RHOA: variants seen among roughly 807,000 people sequenced by gnomAD.
RHOA encodes the protein ras homolog family member A, also known as transforming protein RhoA.
Under a neutral mutation model 17.5 loss-of-function variants are expected in RHOA, and 3 were observed. The observed-to-expected ratio is 0.17, with a 90% CI of 0.08 to 0.44. The LOEUF is 0.44. RHOA is among the 20% of genes least tolerant of loss of function. RHOA has a pLI of 0.99. For synonymous variants in RHOA, 98 were observed against 88.4 expected, an observed-to-expected ratio of 1.11 and a Z score of -0.61; for missense variants, 56 against 242.3, an observed-to-expected ratio of 0.23 and a Z score of 5.10.
At chr3:49,411,795 G>A (rs2107922100) in intron 1 of RHOA, 25 bp downstream of exon 1, 1 of 152,004 alleles carries the variant, frequency 6.6e-6, no homozygotes, top group African/African-American at 2.4e-5. Flanking sequence ...GCCCCGCGGC[G>A]CCTGGAGGGA....
At position 49,368,563 on chromosome 3, in the gene RHOA, A is replaced by C. The variant is rs2107838986; in HGVS notation, c.157-15T>G. 8 of 1,614,038 alleles carry C rather than the reference A, an allele frequency of 5.0e-6. No individual in the cohort carries two copies. The highest frequency in any genetic ancestry group is 6.8e-6 in the Non-Finnish European group (8 of 1,179,958). Reference sequence around the variant, plus strand: ...GCCAACTCTACCTGTAATGGGAAAAACAACCACAAGAGTGCAAGGTTAATC... The same window carrying C: ...GCCAACTCTACCTGTAATGGGAAAACCAACCACAAGAGTGCAAGGTTAATC... On this transcript the variant is annotated splice_polypyrimidine_tract_variant and intron_variant, in intron 2 of 4. Coordinates refer to ENST00000418115, the MANE Select transcript of RHOA (RefSeq NM_001664.4).
intron 3 of RHOA, among the ~76,000 whole-genome samples, chr3:49,364,473 G>A (rs1156300646): frequency 2.7e-5 from 4 of 150,286 alleles, no homozygotes; most frequent in Admixed American, 6.6e-5. Flanking sequence ...CAACAAGAGC[G>A]AAACTCCGTC....
chr3:49,407,043 A>C (rs1034668688), intron 1 of RHOA, among the ~76,000 whole-genome samples: 35 of 151,882 alleles, frequency 2.3e-4, no homozygotes, highest in African/African-American at 8.2e-4. Context: ...GCTACTCTAG[A>C]GACTGAGGCA....
intron 1 of RHOA, among the ~76,000 whole-genome samples, chr3:49,397,712 G>T (rs766963660): frequency 6.6e-6 from 1 of 152,092 alleles, no homozygotes; most frequent in Non-Finnish European, 1.5e-5. Flanking sequence ...AGAACTGCTA[G>T]AGCAACATTA....
intron 1 of RHOA, among the ~76,000 whole-genome samples, chr3:49,391,594 A>G (rs1164077378): frequency 6.6e-6 from 1 of 151,938 alleles, no homozygotes; most frequent in Admixed American, 6.6e-5. Flanking sequence ...CCCAGGCTGG[A>G]GTGCAATGGC....
At chr3:49,373,084 A>G (rs1319104307) in intron 2 of RHOA, among the ~76,000 whole-genome samples, 1 of 152,020 alleles carries the variant, frequency 6.6e-6, no homozygotes, top group African/African-American at 2.4e-5. Context: ...TGGCTCATGC[A>G]TGTAATCCCA....
At chr3:49,377,152 C>T (rs933527696) in intron 1 of RHOA, among the ~76,000 whole-genome samples, 3 of 151,960 alleles carry the variant, frequency 2.0e-5, no homozygotes, top group African/African-American at 2.4e-5. Flanking sequence ...CAATTGAGGC[C>T]GAGCACAGTG....
intron 1 of RHOA, among the ~76,000 whole-genome samples, chr3:49,405,868 A>G (rs1019032528): frequency 1.3e-5 from 2 of 152,112 alleles, no homozygotes; most frequent in Non-Finnish European, 1.5e-5. Flanking sequence ...TATTTTTAGT[A>G]GAGATGGGGT....
intron 4 of RHOA, 130 bp downstream of exon 4, chr3:49,362,366 A>T: frequency 1.2e-6 from 1 of 859,238 alleles, no homozygotes; most frequent in Non-Finnish European, 1.7e-6. Flanking sequence ...TGAGGGTCAG[A>T]GGGCCACAGA....
Position 49,393,904 on chromosome 3 carries a change from T to C in RHOA, c.-3+17916A>G, listed in dbSNP as rs1348679629. On this transcript the variant is annotated intron_variant, in intron 1 of 4. Transcript: ENST00000418115. ...TTTTTTTTTTTGAGATGGAGTCTCC[T>C]CTGTTGCCCAGGCTGGAGTGCTGTG... 2.0e-5 allele frequency among the ~76,000 whole-genome samples: 3 copies of C among 150,734 alleles called. No individual in the cohort carries two copies. The Admixed American group carries it at 2.0e-4, about 10-fold the overall frequency.
At chr3:49,367,696 A>G (rs573508643) in intron 3 of RHOA, among the ~76,000 whole-genome samples, 30 of 151,316 alleles carry the variant, frequency 2.0e-4, no homozygotes, top group Non-Finnish European at 3.5e-4. Flanking sequence ...TAATTTTTGT[A>G]TTTTAGTAGA....
intron 1 of RHOA, among the ~76,000 whole-genome samples, chr3:49,382,651 A>C (rs1238811767): frequency 6.6e-6 from 1 of 152,146 alleles, no homozygotes; most frequent in Admixed American, 6.6e-5. Flanking sequence ...ATAAAGATTT[A>C]ATAAACTTTA....
intron 1 of RHOA, among the ~76,000 whole-genome samples, chr3:49,397,269 T>C (rs1417724216): frequency 1.3e-5 from 2 of 151,870 alleles, no homozygotes; most frequent in Non-Finnish European, 2.9e-5. Flanking sequence ...GGCAAATCTA[T>C]AGAGACACAA....
chr3:49,376,651 A>G (rs554742522), intron 1 of RHOA, among the ~76,000 whole-genome samples: 1 of 148,032 alleles, frequency 6.8e-6, no homozygotes, highest in East Asian at 1.9e-4. Context: ...TCACAAAAAA[A>G]AAAAAAAAAA....
chr3:49,385,381 A>C (rs542864347), intron 1 of RHOA, among the ~76,000 whole-genome samples: 2 of 151,556 alleles, frequency 1.3e-5, no homozygotes, highest in Non-Finnish European at 2.9e-5. Flanking sequence ...ACGCCTGGCT[A>C]ATTTTTTTAT....
At chr3:49,366,701 G>A (rs2048062136) in intron 3 of RHOA, 1 of 152,206 alleles carries the variant, frequency 6.6e-6, no homozygotes, top group South Asian at 2.1e-4. Flanking sequence ...CTGCACAGAG[G>A]ACTCAATCTT....
intron 1 of RHOA, among the ~76,000 whole-genome samples, chr3:49,391,389 C>CAAAAACAA (rs2048504176): frequency 8.1e-6 from 1 of 123,096 alleles, no homozygotes. Context: ...GAGAATCCGT[C>CAAAAACAA]AAAAAAAAAA....
At chr3:49,410,098 AAC>A (rs901725639) in intron 1 of RHOA, among the ~76,000 whole-genome samples, 3 of 152,242 alleles carry the variant, frequency 2.0e-5, no homozygotes, top group African/African-American at 4.8e-5. Flanking sequence ...TTGGCAAATG[AAC>A]AGTTTCTCCC....
At chr3:49,407,798 C>T (rs2048859685) in intron 1 of RHOA, among the ~76,000 whole-genome samples, 1 of 152,058 alleles carries the variant, frequency 6.6e-6, no homozygotes, top group Non-Finnish European at 1.5e-5. Context: ...CACTCCACTT[C>T]AAACTTACTT....
Sources: allele counts gnomAD v4.1 joint callset (sites outside exome capture counted in the v4.1 genomes callset), GRCh38; gene constraint gnomAD v4.1.1; transcripts MANE v1.5; gene names NCBI Gene and HGNC (gene_info 2026-07-23, HGNC 2026-07-21).